UNC5D: variants seen among roughly 807,000 people sequenced by gnomAD.
UNC5D encodes the protein netrin receptor UNC5D.
In UNC5D, 39 loss-of-function variants were observed where a neutral mutation model predicts 105.4. The observed-to-expected ratio is 0.37, with a 90% CI of 0.29 to 0.48. The LOEUF (loss-of-function observed/expected upper bound fraction) is 0.48, where lower values mean the gene tolerates loss of function less well. Ranked by LOEUF, UNC5D falls within the 20% of genes least tolerant of loss-of-function variation. The pLI is 0.98. For missense variants in UNC5D, 991 were observed against 1,202.4 expected (o/e 0.82, Z 2.60); for synonymous variants, 452 against 450.4 (o/e 1.00, Z -0.04).
At chr8:35,576,854 C>T (rs1818126447) in intron 3 of UNC5D, among the ~76,000 whole-genome samples, 2 of 152,072 alleles carry the variant, frequency 1.3e-5, no homozygotes, top group South Asian at 4.1e-4. Flanking sequence ...ACCTCGTGAT[C>T]CTCCCGCCTC....
rs924447408 is a variant in UNC5D, at chr8:35,478,169, A to T, written c.104-71123A>T. 4.6e-5 allele frequency among the ~76,000 whole-genome samples: 7 copies of T among 152,188 alleles called. No homozygotes were observed. In the South Asian group the frequency reaches 1.2e-3, roughly 27 times the overall value. ...AATTAGATAAAACTTCAGATTAATC[A>T]ACACAGATGGGTTTACCTCTTCAAA... On this transcript the variant is annotated intron_variant, in intron 1 of 16. Coordinates refer to ENST00000404895, the MANE Select transcript of UNC5D (RefSeq NM_080872.4).
chr8:35,310,494 C>T (rs1327768781), intron 1 of UNC5D, among the ~76,000 whole-genome samples: 3 of 152,040 alleles, frequency 2.0e-5, no homozygotes, highest in African/African-American at 7.3e-5. Context: ...GTAACGCATC[C>T]CTGTAATCCC....
At chr8:35,557,770 G>T (rs772098212) in intron 2 of UNC5D, among the ~76,000 whole-genome samples, 1 of 151,930 alleles carries the variant, frequency 6.6e-6, no homozygotes, top group Non-Finnish European at 1.5e-5. Flanking sequence ...GTGTGATCTC[G>T]TAGCAGCTTG....
chr8:35,647,049 G>A (rs947868803), intron 4 of UNC5D, among the ~76,000 whole-genome samples: 1 of 152,102 alleles, frequency 6.6e-6, no homozygotes, highest in Admixed American at 6.6e-5. Context: ...AGTCCAAATA[G>A]GAGGATGATT....
chr8:35,246,563 T>G (rs1803114217), intron 1 of UNC5D, among the ~76,000 whole-genome samples: 1 of 152,278 alleles, frequency 6.6e-6, no homozygotes, highest in African/African-American at 2.4e-5. Context: ...GGGACCCCTC[T>G]TGCTAGATTG....
At chr8:35,591,608 T>A (rs969899575) in intron 3 of UNC5D, among the ~76,000 whole-genome samples, 1 of 152,180 alleles carries the variant, frequency 6.6e-6, no homozygotes, top group East Asian at 1.9e-4. Context: ...TGTAATGTAT[T>A]CCTCTTTCTC....
chr8:35,466,250 C>T (rs1402166435), intron 1 of UNC5D, among the ~76,000 whole-genome samples: 1 of 152,158 alleles, frequency 6.6e-6, no homozygotes, highest in Non-Finnish European at 1.5e-5. Context: ...AGGTCCAGTA[C>T]TAATATCACC....
intron 7 of UNC5D, among the ~76,000 whole-genome samples, chr8:35,704,598 C>T (rs150449857): frequency 4.7e-4 from 72 of 152,280 alleles, no homozygotes; most frequent in African/African-American, 1.7e-3. Flanking sequence ...TGATTATCAA[C>T]AGCCTGGATC....
At chr8:35,406,307 T>C (rs1467342163) in intron 1 of UNC5D, among the ~76,000 whole-genome samples, 1 of 152,198 alleles carries the variant, frequency 6.6e-6, no homozygotes, top group Non-Finnish European at 1.5e-5. Context: ...TATTGACAAA[T>C]TGCACATATT....
At chr8:35,458,747 C>A (rs1808669949) in intron 1 of UNC5D, among the ~76,000 whole-genome samples, 1 of 152,096 alleles carries the variant, frequency 6.6e-6, no homozygotes, top group Non-Finnish European at 1.5e-5. Context: ...CTTATGCAAG[C>A]CTCAGATTTT....
intron 1 of UNC5D, among the ~76,000 whole-genome samples, chr8:35,414,330 T>A (rs1406176973): frequency 6.6e-6 from 1 of 152,100 alleles, no homozygotes; most frequent in East Asian, 1.9e-4. Context: ...GTTTCAAAAT[T>A]ATGGTGATTA....
intron 1 of UNC5D, among the ~76,000 whole-genome samples, chr8:35,409,066 C>T (rs1197847755): frequency 6.6e-6 from 1 of 152,054 alleles, no homozygotes; most frequent in Non-Finnish European, 1.5e-5. Flanking sequence ...TCACTTAATG[C>T]TTATGTGTAT....
At chr8:35,365,177 G>A (rs1054745871) in intron 1 of UNC5D, among the ~76,000 whole-genome samples, 13 of 152,084 alleles carry the variant, frequency 8.5e-5, no homozygotes, top group Non-Finnish European at 1.0e-4. Context: ...AATCCCGATT[G>A]CTCATTCTTA....
intron 1 of UNC5D, among the ~76,000 whole-genome samples, chr8:35,309,685 T>G (rs540656104): frequency 6.6e-6 from 1 of 152,190 alleles, no homozygotes; most frequent in Non-Finnish European, 1.5e-5. Context: ...TTTTTTTCAT[T>G]GCAAGTTACT....
intron 3 of UNC5D, among the ~76,000 whole-genome samples, chr8:35,588,452 T>C (rs62505532): frequency 0.07 from 10,599 of 152,208 alleles, 512 homozygotes; most frequent in South Asian, 0.15. Flanking sequence ...TCTGCCTCAG[T>C]TTAGATATTA....
intron 1 of UNC5D, chr8:35,544,678 C>T (rs764658799): frequency 3.6e-6 from 4 of 1,103,346 alleles, no homozygotes; most frequent in South Asian, 1.7e-5. Context: ...TCACGGCTCA[C>T]GGCAACCTCT....
chr8:35,638,084 AT>A (rs1192906277), intron 4 of UNC5D, among the ~76,000 whole-genome samples: 1 of 152,046 alleles, frequency 6.6e-6, no homozygotes, highest in Non-Finnish European at 1.5e-5. Flanking sequence ...CCAATTAGAG[AT>A]TTTCATACTT....
intron 8 of UNC5D, among the ~76,000 whole-genome samples, chr8:35,718,335 C>A (rs1045949949): frequency 3.9e-5 from 6 of 152,138 alleles, no homozygotes; most frequent in Non-Finnish European, 7.3e-5. Context: ...GGCTTTTGTT[C>A]AAAATCACTT....
chr8:35,499,350 T>C (rs1224039174), intron 1 of UNC5D, among the ~76,000 whole-genome samples: 1 of 152,230 alleles, frequency 6.6e-6, no homozygotes, highest in African/African-American at 2.4e-5. Flanking sequence ...AGATTGAGTA[T>C]TAGCCTTGCT....
Sources: gnomAD v4.1 joint callset for allele counts (sites outside exome capture counted in the v4.1 genomes callset) on GRCh38, gnomAD v4.1.1 for gene constraint, MANE v1.5 for transcripts, NCBI Gene and HGNC (gene_info 2026-07-23, HGNC 2026-07-21) for gene names.